The following TTC22 variants were observed in gnomAD, a reference collection of about 807,000 sequenced individuals.
TTC22 encodes the protein tetratricopeptide repeat domain 22.
Under a neutral mutation model 48.2 loss-of-function variants are expected in TTC22, and 42 were observed. The observed-to-expected ratio is 0.87, with a 90% CI of 0.68 to 1.13. The LOEUF is 1.13. Ranked by LOEUF, TTC22 falls within the 50% of genes most tolerant of loss-of-function variation. The pLI, the probability that TTC22 is intolerant of heterozygous loss-of-function variation, is 0.00. For synonymous variants in TTC22, 345 were observed against 365.5 expected, an observed-to-expected ratio of 0.94 and a Z score of 0.64; for missense variants, 784 against 807.0, an observed-to-expected ratio of 0.97 and a Z score of 0.34.
chr1:54,789,232 G>C (rs943057497), intron 1 of TTC22, among the ~76,000 whole-genome samples: 1 of 152,352 alleles, frequency 6.6e-6, no homozygotes, highest in East Asian at 1.9e-4. Flanking sequence ...AGGCCTGATA[G>C]AGGCCATGAG....
At chr1:54,793,859 G>T (rs2101465815) in intron 1 of TTC22, among the ~76,000 whole-genome samples, 1 of 152,310 alleles carries the variant, frequency 6.6e-6, no homozygotes, top group South Asian at 2.1e-4. Flanking sequence ...CATGCACCCA[G>T]AGTGACACAG....
chr1:54,785,588 G>T (rs1370089867), intron 5 of TTC22: 1 of 449,394 alleles, frequency 2.2e-6, no homozygotes, highest in Non-Finnish European at 4.4e-6. Context: ...GAGGTGGGAG[G>T]ACTGCTTGAG....
Position 54,800,750 on chromosome 1 carries a change from G to T in TTC22, c.414C>A (p.Ala138=). Residue 138 remains alanine (A), a synonymous_variant, in exon 1 of 7, where the codon GCC becomes GCA. Transcript: ENST00000371276. Reference sequence around the variant, plus strand: ...CGGCGCGGAGCTGGGGGTCCCCGGCGGCCTCGGGCTCCTCTGCCAGGCCCA... The same window carrying T: ...CGGCGCGGAGCTGGGGGTCCCCGGCTGCCTCGGGCTCCTCTGCCAGGCCCA... ...DLMGLAEEPE[A]AGDPQLRAAR... 1.3e-6 allele frequency: 2 copies of T among 1,546,772 alleles called. No homozygotes were observed. The highest frequency in any genetic ancestry group is 1.7e-6 in the Non-Finnish European group (2 of 1,149,884).
In TTC22 at chr1:54,787,800, C is replaced by T. The variant is rs1447847148; in HGVS notation, c.650G>A (p.Gly217Asp). 1 of 1,611,862 alleles carries T rather than the reference C, an allele frequency of 6.2e-7. No homozygotes were observed. The highest frequency in any genetic ancestry group is 2.2e-5 in the East Asian group (1 of 44,766). The change falls in exon 3 of 7, where the codon GGC becomes GAC. Residue 217 changes from glycine (G) to aspartate (D), a missense_variant. Coordinates refer to ENST00000371276, the MANE Select transcript of TTC22 (RefSeq NM_001114108.2). Reference protein sequence around the residue: ...IRLDGIFLELGSEEQKRLPAF... With the variant: ...IRLDGIFLELDSEEQKRLPAF... ...AGGCAGTCTCTTCTGCTCCTCACTG[C>T]CCAGCTCCAGGAAGATGCCATCTAG...
At position 54,801,243 on chromosome 1, in the gene TTC22, A is replaced by G; in HGVS notation, c.-80T>C. 6.9e-7 allele frequency: 1 copy of G among 1,443,620 alleles called. No individual in the cohort carries two copies. The highest frequency in any genetic ancestry group is 9.4e-7 in the Non-Finnish European group (1 of 1,066,770). 89.4% of individuals were successfully genotyped at this position (1,443,620 alleles called of 1,614,324 possible). A position where few individuals can be genotyped will look rare whatever the true frequency, so the allele number is the denominator to read the frequency against. ...AGTGGATGGGGGCGTTCCCCGAGCG[A>G]GCTCCGTGCGGGAGGCGAGGGGCAG... On this transcript the variant is annotated 5_prime_UTR_variant, in exon 1 of 7. Transcript: ENST00000371276.
Position 54,800,643 on chromosome 1 carries a change from G to A in TTC22, c.521C>T (p.Ala174Val). The A allele has an allele frequency of 1.9e-6, 3 of 1,552,188 alleles. No homozygotes were observed. The highest frequency in any genetic ancestry group is 1.9e-5 in the Admixed American group (1 of 52,418). Residue 174 changes from alanine (A) to valine (V), a missense_variant, in exon 1 of 7, where the codon GCG becomes GTG. Ala to Val is a moderately conservative substitution (Grantham distance 64). Transcript: ENST00000371276. ...CTTGTCGTAGAGCGCGATGCCTGCC[G>A]CCAGCCCCCGCGCACGCTCCTCTGG... Reference protein sequence around the residue: ...ASPEERARGLAAGIALYDKAL... With the variant: ...ASPEERARGLVAGIALYDKAL...
At chr1:54,790,117 G>C (rs1292712086) in intron 1 of TTC22, among the ~76,000 whole-genome samples, 1 of 152,192 alleles carries the variant, frequency 6.6e-6, no homozygotes, top group East Asian at 1.9e-4. Context: ...GCTTATGCCT[G>C]TACTCCCAGC....
rs75915524 is a variant in TTC22, at chr1:54,801,034, G to T, written c.130C>A (p.Arg44=). ...EPRSPAPQRA[R]DLKLQREGLR... is the part of the protein sequence containing the mutation. ...CCCTCCCGCTGCAGCTTCAGGTCCC[G>T]GGCGCGCTGTGGGGCCGGCGAGCGC... Residue 44 remains arginine, a synonymous_variant, in exon 1 of 7, where the codon CGG becomes AGG. Transcript: ENST00000371276. 1,939 of 1,611,772 alleles carry T rather than the reference G, an allele frequency of 1.2e-3. 21 individuals are homozygous for T. The African/African-American group carries it at 0.022, about 19-fold the overall frequency.
At chr1:54,794,340 G>A (rs554121521) in intron 1 of TTC22, among the ~76,000 whole-genome samples, 3 of 152,300 alleles carry the variant, frequency 2.0e-5, no homozygotes, top group Non-Finnish European at 4.4e-5. Context: ...CTCGGGTGGG[G>A]TACAAGGTTG....
chr1:54,782,504 AG>A (rs1646271046), intron 5 of TTC22, 27 bp from the exon 6 acceptor site: 1 of 1,523,658 alleles, frequency 6.6e-7, no homozygotes, highest in African/African-American at 1.4e-5. Flanking sequence ...AGCTTAGGAA[AG>A]ATGATCCAGG....
intron 1 of TTC22, among the ~76,000 whole-genome samples, chr1:54,789,305 G>A (rs1014358406): frequency 6.6e-6 from 1 of 152,218 alleles, no homozygotes; most frequent in African/African-American, 2.4e-5. Context: ...GTGGGCTTAA[G>A]GAGGGTCTTG....
In TTC22 at chr1:54,782,399, C is replaced by T; in HGVS notation, c.1099G>A (p.Ala367Thr). 6.4e-7 allele frequency: 1 copy of T among 1,551,550 alleles called. No individual in the cohort carries two copies. The highest frequency in any genetic ancestry group is 1.2e-5 in the South Asian group (1 of 84,054). ...LGGMPDRNHL[A>T]CAKADLEEVV... ...TCCTCAAGGTCAGCCTTGGCACAGGCCAGGTGGTTCCTGTCAGGCATGCCC... is the reference window on the plus strand; with the variant it reads ...TCCTCAAGGTCAGCCTTGGCACAGGTCAGGTGGTTCCTGTCAGGCATGCCC... Residue 367 changes from alanine (A) to threonine (T), a missense_variant, in exon 6 of 7, where the codon GCC (alanine) becomes ACC (threonine). Coordinates refer to ENST00000371276, the MANE Select transcript of TTC22 (RefSeq NM_001114108.2).
chr1:54,801,228 G>C lies in TTC22; in HGVS notation c.-65C>G, dbSNP rs1646436162. The C allele has an allele frequency of 1.1e-5, 17 of 1,519,402 alleles. No individual in the cohort carries two copies. Among genetic ancestry groups the C allele is most frequent in the Admixed American group, 7.9e-5 (4 of 50,736 alleles). 94.1% of individuals were successfully genotyped at this position (1,519,402 alleles called of 1,614,324 possible). On this transcript the variant is annotated 5_prime_UTR_variant, in exon 1 of 7. Coordinates refer to ENST00000371276, the MANE Select transcript of TTC22 (RefSeq NM_001114108.2). ...GAGGCTGTGGAGGGCAGTGGATGGG[G>C]GCGTTCCCCGAGCGAGCTCCGTGCG...
At chr1:54,787,232 A>G in intron 3 of TTC22, 157 bp from the exon 4 acceptor site, 1 of 547,056 alleles carries the variant, frequency 1.8e-6, no homozygotes. Context: ...GCAAAGGTGG[A>G]GAGAGGGGCC....
intron 1 of TTC22, among the ~76,000 whole-genome samples, chr1:54,797,130 TAA>T (rs1182041156): frequency 1.3e-5 from 2 of 152,202 alleles, no homozygotes; most frequent in African/African-American, 2.4e-5. Flanking sequence ...CTCAGAGGAA[TAA>T]AGACTTGCCT....
At position 54,800,957 on chromosome 1, in the gene TTC22, A is replaced by T. The variant is rs1646432092; in HGVS notation, c.207T>A (p.Arg69=). The T allele has an allele frequency of 1.2e-6, 2 of 1,605,742 alleles. No individual in the cohort carries two copies. Among genetic ancestry groups the T allele is most frequent in the African/African-American group, 2.7e-5 (2 of 74,822 alleles). The change falls in exon 1 of 7, where the codon CGT becomes CGA. Residue 69 remains arginine, a synonymous_variant. Coordinates refer to ENST00000371276, the MANE Select transcript of TTC22 (RefSeq NM_001114108.2). ...AGAATGCGAAAGCGCCCAGGAGGTG[A>T]CGCACAGCGGGGCGCTGCGGGGCGG... The part of the protein sequence containing the change: ...LAAAPQRPAV[R]HLLGAFAFYL...
At chr1:54,790,761 GGCTGCTGCTGCT>G (rs3065099) in intron 1 of TTC22, among the ~76,000 whole-genome samples, 3 of 151,500 alleles carry the variant, frequency 2.0e-5, no homozygotes, top group Admixed American at 6.6e-5. Context: ...CAGGCTTCCT[GGCTGCTGCTGCT>G]GCTGCTGCTG....
At chr1:54,785,952 C>T in intron 5 of TTC22, 31 bp downstream of exon 5, 8 of 1,597,152 alleles carry the variant, frequency 5.0e-6, no homozygotes, top group Non-Finnish European at 6.8e-6. Flanking sequence ...TTCCCAATGG[C>T]AGGGTATGGT....
rs180855899 is a variant in TTC22 at position 54,789,192 on chromosome 1, C to G, written c.568-1095G>C. On this transcript the variant is annotated intron_variant, in intron 1 of 6. Transcript: ENST00000371276. ...CAAAGCCCATGCTTGCTTCCCCACACTGGGTTGCCAATAGCTGTGGTATGA... is the reference window on the plus strand; with the variant it reads ...CAAAGCCCATGCTTGCTTCCCCACAGTGGGTTGCCAATAGCTGTGGTATGA... Among the ~76,000 whole-genome samples the G allele has an allele frequency of 2.9e-3, 440 of 152,390 alleles. 2 individuals are homozygous for G. The highest frequency in any genetic ancestry group is 9.8e-3 in the African/African-American group (409 of 41,602).
Sources: allele counts gnomAD v4.1 joint callset (sites outside exome capture counted in the v4.1 genomes callset), GRCh38; gene constraint gnomAD v4.1.1; transcripts MANE v1.5; gene names NCBI Gene and HGNC (gene_info 2026-07-23, HGNC 2026-07-21).